The following ABCA13 variants were observed in gnomAD, a reference collection of about 807,000 sequenced individuals.
The protein encoded by ABCA13 is ATP binding cassette subfamily A member 13.
A neutral mutation model predicts 478.7 loss-of-function variants in ABCA13; 476 were observed. The observed-to-expected ratio is 0.99, with a 90% CI of 0.92 to 1.07. ABCA13 has a LOEUF of 1.07. ABCA13 is among the 50% of genes least tolerant of loss of function. ABCA13 has a pLI of 0.00. For synonymous variants in ABCA13, 2,252 were observed against 2,158.9 expected (o/e 1.04, Z -1.20); for missense variants, 6,060 against 5,910.6 (o/e 1.03, Z -0.83).
intron 59 of ABCA13, among the ~76,000 whole-genome samples, chr7:48,625,324 T>A (rs1393184871): frequency 6.6e-6 from 1 of 152,222 alleles, no homozygotes; most frequent in African/African-American, 2.4e-5. Context: ...GATAATTCAG[T>A]ATGTTTATGT....
At position 48,412,826 on chromosome 7, in the gene ABCA13, G is replaced by A. The variant is rs184952091; in HGVS notation, c.12459+243G>A. On this transcript the variant is annotated intron_variant, in intron 41 of 61. Transcript: ENST00000435803. The stretch of plus-strand genomic sequence containing the variant: ...TTTTAGCATTCTTTTTTTTTGTTTT[G>A]TTTTGTTTTTGTTTTTGAGACGTAG... 2.4e-3 allele frequency among the ~76,000 whole-genome samples: 362 copies of A among 148,440 alleles called. 3 individuals are homozygous for A. The highest frequency in any genetic ancestry group is 8.3e-3 in the African/African-American group (333 of 40,168).
intron 20 of ABCA13, among the ~76,000 whole-genome samples, chr7:48,293,075 A>G (rs1206307614): frequency 2.0e-5 from 3 of 151,900 alleles, no homozygotes; most frequent in East Asian, 3.9e-4. Flanking sequence ...GTAATAATCT[A>G]TTGGCTGGTT....
intron 58 of ABCA13, among the ~76,000 whole-genome samples, chr7:48,597,880 C>A (rs1257925658): frequency 6.6e-6 from 1 of 152,176 alleles, no homozygotes; most frequent in Non-Finnish European, 1.5e-5. Context: ...ACATGCATAT[C>A]CTTCCCTATT....
intron 55 of ABCA13, among the ~76,000 whole-genome samples, chr7:48,560,535 GTAGT>G (rs774682415): frequency 6.6e-6 from 1 of 152,154 alleles, no homozygotes; most frequent in Non-Finnish European, 1.5e-5. Flanking sequence ...TTTTTTGTGT[GTAGT>G]TAGTTGTTAA....
intron 37 of ABCA13, among the ~76,000 whole-genome samples, chr7:48,390,774 C>A (rs951930767): frequency 2.0e-5 from 3 of 152,176 alleles, no homozygotes; most frequent in Non-Finnish European, 4.4e-5. Flanking sequence ...GCAGCCTGCT[C>A]CTTGGGACAG....
At chr7:48,489,207 G>T in intron 47 of ABCA13, 29 bp from the exon 48 acceptor site, 1 of 1,541,862 alleles carries the variant, frequency 6.5e-7, no homozygotes, top group Non-Finnish European at 8.9e-7. Context: ...AATTTCGTGA[G>T]AGCCATTAAA....
chr7:48,531,845 T>C (rs1216991011), intron 55 of ABCA13, among the ~76,000 whole-genome samples: 1 of 151,942 alleles, frequency 6.6e-6, no homozygotes, highest in Non-Finnish European at 1.5e-5. Context: ...TGTACATTAA[T>C]TTTGTGTCCT....
chr7:48,450,427 A>G (rs1456332208), intron 42 of ABCA13, among the ~76,000 whole-genome samples: 1 of 152,196 alleles, frequency 6.6e-6, no homozygotes, highest in African/African-American at 2.4e-5. Context: ...CAAGAATATA[A>G]ATTTTTAAGT....
chr7:48,228,801 C>T (rs1365659512), intron 6 of ABCA13, among the ~76,000 whole-genome samples: 1 of 152,154 alleles, frequency 6.6e-6, no homozygotes, highest in Non-Finnish European at 1.5e-5. Context: ...TTTGAAATGC[C>T]TCCCTTTGTA....
intron 1 of ABCA13, among the ~76,000 whole-genome samples, chr7:48,189,664 G>A (rs529079914): frequency 2.0e-5 from 3 of 152,258 alleles, no homozygotes; most frequent in African/African-American, 7.2e-5. Flanking sequence ...AGACTGGACT[G>A]AAAAATATTT....
At chr7:48,464,283 A>G (rs1488056143) in intron 43 of ABCA13, among the ~76,000 whole-genome samples, 1 of 152,226 alleles carries the variant, frequency 6.6e-6, no homozygotes, top group African/African-American at 2.4e-5. Context: ...TGCATTTCCT[A>G]ATTTGTTAGA....
At chr7:48,230,054 A>C in intron 7 of ABCA13, 99 bp downstream of exon 7, 1 of 1,343,500 alleles carries the variant, frequency 7.4e-7, no homozygotes. Context: ...AAAATGATTT[A>C]ATTAAAATTT....
chr7:48,556,192 G>T (rs987664229), intron 55 of ABCA13, among the ~76,000 whole-genome samples: 4 of 151,696 alleles, frequency 2.6e-5, no homozygotes, highest in African/African-American at 9.7e-5. Context: ...CAAAGTTTTT[G>T]AATCTTTTAA....
intron 55 of ABCA13, among the ~76,000 whole-genome samples, chr7:48,560,388 G>GC (rs1322698196): frequency 6.6e-6 from 1 of 152,180 alleles, no homozygotes; most frequent in African/African-American, 2.4e-5. Flanking sequence ...TACAGCTGCT[G>GC]CAGGGGTATG....
chr7:48,585,798 A>C (rs1420685649), intron 56 of ABCA13, among the ~76,000 whole-genome samples: 1 of 152,214 alleles, frequency 6.6e-6, no homozygotes, highest in Non-Finnish European at 1.5e-5. Flanking sequence ...TATCTAAAAA[A>C]TGAATCTATA....
rs372840535 is a variant in ABCA13 at position 48,376,591 on chromosome 7, G to A, written c.11335+19G>A. 1.1e-4 allele frequency: 171 copies of A among 1,611,602 alleles called. No individual in the cohort carries two copies. The highest frequency in any genetic ancestry group is 1.4e-4 in the Non-Finnish European group (160 of 1,178,744). On this transcript the variant is annotated intron_variant, in intron 35 of 61. Coordinates refer to ENST00000435803, the MANE Select transcript of ABCA13 (RefSeq NM_152701.5). ...ATTCCTGGTAAGAATTTTGCCTTTTGTAAGATAACACAATAAATTTTAAAA... is the reference window on the plus strand; with the variant it reads ...ATTCCTGGTAAGAATTTTGCCTTTTATAAGATAACACAATAAATTTTAAAA...
intron 40 of ABCA13, among the ~76,000 whole-genome samples, chr7:48,411,488 A>G (rs1819230003): frequency 6.6e-6 from 1 of 151,736 alleles, no homozygotes. Context: ...TTGTGTTTTT[A>G]GTAAAGATGG....
rs1276389493 is a variant in ABCA13 at position 48,273,169 on chromosome 7, A to G, written c.3503A>G (p.Asp1168Gly). 6.2e-7 allele frequency: 1 copy of G among 1,613,718 alleles called. No individual in the cohort carries two copies. Among genetic ancestry groups the G allele is most frequent in the African/African-American group, 1.3e-5 (1 of 75,020 alleles). Reference sequence around the variant, plus strand: ...ACCATATCTCAATTATTTAAGTTTGACATGAATGTTTTCACATCTCTTCAT... The same window carrying G: ...ACCATATCTCAATTATTTAAGTTTGGCATGAATGTTTTCACATCTCTTCAT... ...WETISQLFKFDMNVFTSLHHG... is the reference protein window; with the variant it reads ...WETISQLFKFGMNVFTSLHHG... Residue 1168 changes from aspartate (D) to glycine (G), a missense_variant, in exon 17 of 62, where the codon GAC becomes GGC. By Grantham distance (94) the Asp-to-Gly change is moderately conservative. Coordinates refer to ENST00000435803, the MANE Select transcript of ABCA13 (RefSeq NM_152701.5).
In ABCA13 at chr7:48,278,591, T is replaced by G. The variant is rs1796605349; in HGVS notation, c.7397T>G (p.Leu2466Arg). ...LLFFINNSFP[L>R]RNRATLEITK... ...TTCTTTATAAATAATTCATTCCCTC[T>G]AAGAAACAGAGCAACATTAGAAATT... Residue 2466 changes from leucine to arginine, a missense_variant, in exon 18 of 62, where the codon CTA (leucine) becomes CGA (arginine). By Grantham distance (102) the Leu-to-Arg change is moderately radical. Around this residue, in one of 3 missense-constraint regions of ABCA13, gnomAD observed 4,423 missense variants for 4,309.1 expected, o/e 1.03. Coordinates refer to ENST00000435803, the MANE Select transcript of ABCA13 (RefSeq NM_152701.5). 1.2e-6 allele frequency: 2 copies of G among 1,613,772 alleles called. No homozygotes were observed. Among genetic ancestry groups the G allele is most frequent in the African/African-American group, 2.7e-5 (2 of 74,926 alleles).
Sources: allele counts gnomAD v4.1 joint callset (sites outside exome capture counted in the v4.1 genomes callset), GRCh38; gene constraint gnomAD v4.1.1; regional missense constraint gnomAD v4.1.1; transcripts MANE v1.5; gene names NCBI Gene and HGNC (gene_info 2026-07-23, HGNC 2026-07-21).